CMC2: variants seen among roughly 807,000 people sequenced by gnomAD.
The protein encoded by CMC2 is COX assembly mitochondrial protein 2 homolog.
A neutral mutation model predicts 7.5 loss-of-function variants in CMC2; 5 were observed. The observed-to-expected ratio is 0.66, with a 90% CI of 0.35 to 1.40. The LOEUF is 1.40. Ranked by LOEUF, CMC2 falls within the 40% of genes most tolerant of loss-of-function variation. The pLI, the probability that CMC2 is intolerant of heterozygous loss-of-function variation, is 0.04. For synonymous variants in CMC2, 37 were observed against 31.4 expected, an observed-to-expected ratio of 1.18 and a Z score of -0.60; for missense variants, 115 against 92.3, an observed-to-expected ratio of 1.25 and a Z score of -1.01.
At chr16:80,980,045 A>C (rs189966527) in intron 3 of CMC2, among the ~76,000 whole-genome samples, 1 of 152,178 alleles carries the variant, frequency 6.6e-6, no homozygotes, top group African/African-American at 2.4e-5. Flanking sequence ...CAGCCTCCCA[A>C]GTAGCTGGGA....
At position 80,967,008 on chromosome 16, in the gene CMC2, C is replaced by T. The variant is rs1449775862; in HGVS notation, c.*9085G>A. On this transcript the variant is annotated 3_prime_UTR_variant, in exon 4 of 4. Coordinates refer to ENST00000219400, the MANE Select transcript of CMC2 (RefSeq NM_020188.5). ...AAAAGAAAATGTAAATTTTAAAGTC[C>T]TTTGGGCTACTTCAACACTTTATTT... 6.6e-6 allele frequency: 1 copy of T among 152,154 alleles called. No individual in the cohort carries two copies. The highest frequency in any genetic ancestry group is 1.5e-5 in the Non-Finnish European group (1 of 68,042). 9.4% of individuals were successfully genotyped at this position (152,154 alleles called of 1,614,324 possible). A position where few individuals can be genotyped will look rare whatever the true frequency, so the allele number is the denominator to read the frequency against.
At chr16:80,985,530 A>T (rs1333233697) in intron 2 of CMC2, among the ~76,000 whole-genome samples, 1 of 152,190 alleles carries the variant, frequency 6.6e-6, no homozygotes, top group East Asian at 1.9e-4. Flanking sequence ...ATTTTAAAAT[A>T]ATTTTTTCTT....
intron 3 of CMC2, among the ~76,000 whole-genome samples, chr16:80,979,810 C>T (rs1380855441): frequency 1.3e-5 from 2 of 151,710 alleles, no homozygotes; most frequent in African/African-American, 4.8e-5. Context: ...TTCAGTAGAG[C>T]TGGGTTTCAC....
chr16:80,993,341 C>T (rs1177821910), intron 2 of CMC2, among the ~76,000 whole-genome samples: 2 of 152,120 alleles, frequency 1.3e-5, no homozygotes, highest in Non-Finnish European at 2.9e-5. Flanking sequence ...TAGCAGAGAA[C>T]AGAACTCAAG....
intron 2 of CMC2, among the ~76,000 whole-genome samples, chr16:80,987,370 T>C (rs1359855206): frequency 1.3e-5 from 2 of 152,216 alleles, no homozygotes; most frequent in African/African-American, 4.8e-5. Flanking sequence ...TATCTCTGGA[T>C]GGTTGAACAA....
chr16:80,982,016 T>TAA, intron 2 of CMC2, 139 bp from the exon 3 acceptor site: 1 of 563,244 alleles, frequency 1.8e-6, no homozygotes. Flanking sequence ...ATCACATGTA[T>TAA]AAAACACAGT....
chr16:80,997,314 A>AT lies in CMC2; in HGVS notation c.80dup (p.Asn27LysfsTer12). 3 of 1,551,208 alleles carry AT rather than the reference A, an allele frequency of 1.9e-6. No individual in the cohort carries two copies. Among genetic ancestry groups the AT allele is most frequent in the Non-Finnish European group, 2.7e-6 (3 of 1,123,010 alleles). Reference sequence around the variant, plus strand: ...TACAGTCGTTTTTCTGAACTCTTACATTTTTGTGACATTCCTTAAGCAAGT... The same window carrying AT: ...TACAGTCGTTTTTCTGAACTCTTACATTTTTTGTGACATTCCTTAAGCAAGT... On this transcript the variant is annotated frameshift_variant and splice_region_variant, in exon 2 of 4. Transcript: ENST00000219400. LOFTEE classifies it high-confidence loss of function.
intron 2 of CMC2, among the ~76,000 whole-genome samples, chr16:80,989,250 T>C (rs1967785409): frequency 1.3e-5 from 2 of 152,236 alleles, no homozygotes; most frequent in South Asian, 2.1e-4. Context: ...CAATTACTAC[T>C]ACAACAGTTA....
At chr16:80,988,731 AGGC>A in intron 2 of CMC2, 1 of 537,062 alleles carries the variant, frequency 1.9e-6, no homozygotes, top group Non-Finnish European at 3.3e-6. Flanking sequence ...TTCATGCAAA[AGGC>A]AAAAAAAGTT....
chr16:81,000,425 G>T (rs1029353772), intron 1 of CMC2, among the ~76,000 whole-genome samples: 16 of 152,176 alleles, frequency 1.1e-4, no homozygotes, highest in Non-Finnish European at 2.4e-4. Context: ...GAACCCAGGA[G>T]GCGGAGGTTG....
At chr16:80,984,129 T>C (rs937510665) in intron 2 of CMC2, 1 of 152,244 alleles carries the variant, frequency 6.6e-6, no homozygotes, top group Non-Finnish European at 1.5e-5. Flanking sequence ...TTTCTAGTCC[T>C]ATGAGTATTA....
At chr16:80,988,631 T>G (rs1278103926) in intron 2 of CMC2, 2 of 697,008 alleles carry the variant, frequency 2.9e-6, no homozygotes, top group Non-Finnish European at 5.2e-6. Flanking sequence ...TAAGTCTCCA[T>G]ACGATTACCA....
intron 1 of CMC2, among the ~76,000 whole-genome samples, chr16:81,004,311 T>G (rs754016061): frequency 6.6e-6 from 1 of 152,068 alleles, no homozygotes; most frequent in Non-Finnish European, 1.5e-5. Flanking sequence ...TCCAGTGAAA[T>G]AGAGAGGGAT....
intron 1 of CMC2, among the ~76,000 whole-genome samples, chr16:81,000,710 G>A (rs926632460): frequency 6.6e-6 from 1 of 152,160 alleles, no homozygotes; most frequent in African/African-American, 2.4e-5. Flanking sequence ...GATGCTGGGG[G>A]AGGTTGTGAG....
intron 2 of CMC2, chr16:80,997,041 G>T: frequency 1.9e-6 from 1 of 513,664 alleles, no homozygotes; most frequent in Non-Finnish European, 3.6e-6. Context: ...GAAAGAGAAA[G>T]CATTTTATTG....
rs896131994 is a variant in CMC2 at position 80,967,874 on chromosome 16, G to A, written c.*8219C>T. 6.6e-6 allele frequency: 1 copy of A among 152,082 alleles called. No individual in the cohort carries two copies. The highest frequency in any genetic ancestry group is 3.2e-3 in the Middle Eastern group (1 of 316). The allele number at this position is 152,082 out of a possible 1,614,324, so 9.4% of individuals were successfully genotyped here. ...GTAACAGCTTTGCCCTTAAGATTTT[G>A]CTGTCATATTCAATGACAACATACC... On this transcript the variant is annotated 3_prime_UTR_variant, in exon 4 of 4. Coordinates refer to ENST00000219400, the MANE Select transcript of CMC2 (RefSeq NM_020188.5).
chr16:80,976,195 A>AGGG lies in CMC2; in HGVS notation c.154-19_154-17dup. The AGGG allele has an allele frequency of 7.1e-7, 1 of 1,415,350 alleles. No individual in the cohort carries two copies. Among genetic ancestry groups the AGGG allele is most frequent in the Non-Finnish European group, 9.8e-7 (1 of 1,016,560 alleles). The allele number at this position is 1,415,350 out of a possible 1,614,324, so 87.7% of individuals were successfully genotyped here. A position where few individuals can be genotyped will look rare whatever the true frequency, so the allele number is the denominator to read the frequency against. On this transcript the variant is annotated splice_polypyrimidine_tract_variant and intron_variant, in intron 3 of 3. Coordinates refer to ENST00000219400, the MANE Select transcript of CMC2 (RefSeq NM_020188.5). ...TTTCTACGTACTGAAAAATAAAAGA[A>AGGG]GGGGGGGAGAAAAGAAACAGCAGAT... is the stretch of plus-strand genomic sequence containing the variant.
chr16:80,993,652 T>A (rs916097593), intron 2 of CMC2, among the ~76,000 whole-genome samples: 4 of 151,930 alleles, frequency 2.6e-5, no homozygotes, highest in Non-Finnish European at 5.9e-5. Flanking sequence ...AATATGCAAG[T>A]CAATCAGTAA....
intron 2 of CMC2, chr16:80,992,003 C>A (rs1318071993): frequency 6.6e-6 from 3 of 452,228 alleles, no homozygotes; most frequent in South Asian, 4.7e-5. Context: ...CTGAAGCAAT[C>A]TGAGTAAGCA....
Sources: allele counts gnomAD v4.1 joint callset (sites outside exome capture counted in the v4.1 genomes callset), GRCh38; gene constraint gnomAD v4.1.1; transcripts MANE v1.5; gene names NCBI Gene and HGNC (gene_info 2026-07-23, HGNC 2026-07-21).